The following EDIL3 variants were observed in gnomAD, a reference collection of about 807,000 sequenced individuals.
EDIL3 encodes EGF like and discoidin domains 3.
Under a neutral mutation model 67.4 loss-of-function variants are expected in EDIL3, and 37 were observed. The ratio of observed to expected loss-of-function variants is 0.55; its 90% CI spans 0.42 to 0.72. The LOEUF is 0.72. Among genes scored for constraint, EDIL3 ranks in the 30% least tolerant of loss-of-function variants. EDIL3 has a pLI of 0.00. For synonymous variants in EDIL3, 195 were observed against 196.3 expected (o/e 0.99, Z 0.05); for missense variants, 527 against 586.3 (o/e 0.90, Z 1.04).
chr5:84,240,573 A>G (rs2112057353), intron 2 of EDIL3, among the ~76,000 whole-genome samples: 1 of 152,240 alleles, frequency 6.6e-6, no homozygotes, highest in South Asian at 2.1e-4. Flanking sequence ...CAGGAACCCT[A>G]TTGTGAGCAT....
At chr5:84,050,478 G>A (rs1303614544) in intron 9 of EDIL3, among the ~76,000 whole-genome samples, 1 of 152,178 alleles carries the variant, frequency 6.6e-6, no homozygotes, top group Non-Finnish European at 1.5e-5. Flanking sequence ...AGGACAGTGG[G>A]TGCAGTGCAC....
chr5:84,130,504 ATG>A (rs1747945517), intron 5 of EDIL3, among the ~76,000 whole-genome samples: 2 of 152,128 alleles, frequency 1.3e-5, no homozygotes, highest in African/African-American at 4.8e-5. Flanking sequence ...TGTAAAACTT[ATG>A]TGTGTTTTCA....
At chr5:84,064,280 A>G (rs748903871) in intron 8 of EDIL3, among the ~76,000 whole-genome samples, 1 of 152,224 alleles carries the variant, frequency 6.6e-6, no homozygotes, top group Non-Finnish European at 1.5e-5. Flanking sequence ...TGATAGATGG[A>G]CAAAGATAAA....
In EDIL3 at chr5:84,378,441, A is replaced by G. The variant is rs979595830; in HGVS notation, c.67+5867T>C. On this transcript the variant is annotated intron_variant, in intron 1 of 10. Coordinates refer to ENST00000296591, the MANE Select transcript of EDIL3 (RefSeq NM_005711.5). ...TACTGCAAAGTATCACTGCTTTTAC[A>G]TATACTATTCGAGTCTCCTCTTTGT... Among the ~76,000 whole-genome samples the G allele has an allele frequency of 2.0e-5, 3 of 152,230 alleles. No individual in the cohort carries two copies. In the East Asian group the frequency reaches 5.8e-4, roughly 29 times the overall value.
chr5:83,952,846 A>G (rs1242870317), intron 10 of EDIL3, among the ~76,000 whole-genome samples: 2 of 151,864 alleles, frequency 1.3e-5, no homozygotes, highest in Non-Finnish European at 2.9e-5. Flanking sequence ...TTCAAGTCTC[A>G]TTGAAGAGTT....
chr5:84,319,528 T>A (rs1275020210), intron 1 of EDIL3, among the ~76,000 whole-genome samples: 1,641 of 48,626 alleles, frequency 0.034, 2 homozygotes, highest in East Asian at 0.052. Context: ...AAAAAAGAAA[T>A]AGGAATGCTT....
chr5:84,330,500 T>A (rs1293157311), intron 1 of EDIL3, among the ~76,000 whole-genome samples: 2 of 152,198 alleles, frequency 1.3e-5, no homozygotes, highest in East Asian at 3.9e-4. Context: ...ATATTTGAAA[T>A]GTCATCCTTA....
rs1744215902 is a variant in EDIL3 at position 83,941,076 on chromosome 5, A to G, written c.*2343T>C. 1 of 152,024 alleles carries G rather than the reference A, an allele frequency of 6.6e-6. No individual in the cohort carries two copies. The highest frequency in any genetic ancestry group is 2.1e-4 in the South Asian group (1 of 4,832). The allele number at this position is 152,024 out of a possible 1,614,324, so 9.4% of individuals were successfully genotyped here. A position where few individuals can be genotyped will look rare whatever the true frequency, so the allele number is the denominator to read the frequency against. ...TACTGGTTTTAGTGTGAATTTACAT[A>G]GAATAAATTTACTTCACTTTCATGT... On this transcript the variant is annotated 3_prime_UTR_variant, in exon 11 of 11. Transcript: ENST00000296591.
At chr5:83,946,176 A>G (rs1200531178) in intron 10 of EDIL3, among the ~76,000 whole-genome samples, 1 of 152,010 alleles carries the variant, frequency 6.6e-6, no homozygotes, top group African/African-American at 2.4e-5. Context: ...CTGAAGTCTG[A>G]AAAGACTGAT....
intron 6 of EDIL3, among the ~76,000 whole-genome samples, chr5:84,080,916 T>C (rs1455445742): frequency 6.6e-6 from 1 of 152,222 alleles, no homozygotes; most frequent in East Asian, 1.9e-4. Context: ...CTTTAAACTA[T>C]CCTCCATGTT....
At chr5:84,187,431 A>C (rs761518734) in intron 3 of EDIL3, among the ~76,000 whole-genome samples, 5 of 152,110 alleles carry the variant, frequency 3.3e-5, no homozygotes, top group Non-Finnish European at 5.9e-5. Context: ...GAATAGGTTA[A>C]CATTCTCCTG....
intron 5 of EDIL3, among the ~76,000 whole-genome samples, chr5:84,121,827 G>T (rs1205027026): frequency 1.3e-5 from 2 of 151,964 alleles, no homozygotes; most frequent in African/African-American, 4.8e-5. Context: ...GTGTATCATA[G>T]CACTGAGCAT....
At chr5:84,313,234 T>C (rs1020451943) in intron 1 of EDIL3, among the ~76,000 whole-genome samples, 1 of 152,234 alleles carries the variant, frequency 6.6e-6, no homozygotes, top group Non-Finnish European at 1.5e-5. Flanking sequence ...TAAATTCAAA[T>C]GGACCACTGC....
At chr5:84,225,897 T>C (rs984303795) in intron 3 of EDIL3, among the ~76,000 whole-genome samples, 9 of 151,666 alleles carry the variant, frequency 5.9e-5, no homozygotes, top group African/African-American at 2.2e-4. Context: ...ATTATGCTTT[T>C]AAAATTCAAA....
At chr5:84,365,312 G>A (rs370337101) in intron 1 of EDIL3, among the ~76,000 whole-genome samples, 7 of 152,042 alleles carry the variant, frequency 4.6e-5, no homozygotes, top group South Asian at 2.1e-4. Flanking sequence ...CTGTTGCATA[G>A]AAACTTAGCT....
intron 1 of EDIL3, among the ~76,000 whole-genome samples, chr5:84,273,664 T>C (rs1745518338): frequency 6.6e-6 from 1 of 152,128 alleles, no homozygotes; most frequent in Non-Finnish European, 1.5e-5. Flanking sequence ...CCACACATCT[T>C]TTGTTTTAGA....
chr5:84,358,473 T>C (rs542464942), intron 1 of EDIL3, among the ~76,000 whole-genome samples: 38 of 152,032 alleles, frequency 2.5e-4, no homozygotes, highest in Non-Finnish European at 3.8e-4. Flanking sequence ...AGGTTATGTA[T>C]GATTTTTGGA....
intron 1 of EDIL3, among the ~76,000 whole-genome samples, chr5:84,382,720 T>C (rs191036073): frequency 6.6e-6 from 1 of 152,278 alleles, no homozygotes; most frequent in East Asian, 1.9e-4. Flanking sequence ...TTTATATCGC[T>C]GGAGACTCGG....
chr5:84,208,535 C>T (rs879373478), intron 3 of EDIL3, among the ~76,000 whole-genome samples: 1,527 of 151,116 alleles, frequency 0.01, 32 homozygotes, highest in African/African-American at 0.035. Flanking sequence ...AAAAATTAGC[C>T]GGGCGCGGTG....
Sources: gnomAD v4.1 joint callset for allele counts (sites outside exome capture counted in the v4.1 genomes callset) on GRCh38, gnomAD v4.1.1 for gene constraint, MANE v1.5 for transcripts, NCBI Gene and HGNC (gene_info 2026-07-23, HGNC 2026-07-21) for gene names.